The following OLFML1 variants were observed in gnomAD, a reference collection of about 807,000 sequenced individuals.
OLFML1 encodes olfactomedin-like protein 1.
Under a neutral mutation model 37.3 loss-of-function variants are expected in OLFML1, and 33 were observed. The ratio of observed to expected loss-of-function variants is 0.88; its 90% CI spans 0.67 to 1.18. OLFML1 has a LOEUF of 1.18. Among genes scored for constraint, OLFML1 ranks in the 50% most tolerant of loss-of-function variants. The pLI is 0.00. For missense variants in OLFML1, 545 were observed against 483.7 expected (o/e 1.13, Z -1.19); for synonymous variants, 186 against 181.3 (o/e 1.03, Z -0.21).
rs553731530 is a variant in OLFML1, at chr11:7,509,286, C to G, written c.419-112C>G. Reference sequence around the variant, plus strand: ...TCACAGTAGAACTGAAAATATTCCCCATCAGTATTAGACCTGAAAGGAAAC... The same window carrying G: ...TCACAGTAGAACTGAAAATATTCCCGATCAGTATTAGACCTGAAAGGAAAC... On this transcript the variant is annotated intron_variant, in intron 2 of 2. Coordinates refer to ENST00000329293, the MANE Select transcript of OLFML1 (RefSeq NM_198474.4). The G allele has an allele frequency of 7.8e-4, 583 of 750,694 alleles. 7 individuals carry two copies. The South Asian group carries it at 0.011, about 14-fold the overall frequency. 46.5% of individuals were successfully genotyped at this position (750,694 alleles called of 1,614,324 possible).
chr11:7,494,185 G>A (rs751246622), intron 2 of OLFML1, among the ~76,000 whole-genome samples: 2 of 152,218 alleles, frequency 1.3e-5, no homozygotes, highest in Non-Finnish European at 2.9e-5. Flanking sequence ...GGCATAATTG[G>A]GCTCAGTGTG....
At chr11:7,499,460 T>C (rs928748771) in intron 2 of OLFML1, among the ~76,000 whole-genome samples, 1 of 152,212 alleles carries the variant, frequency 6.6e-6, no homozygotes, top group Non-Finnish European at 1.5e-5. Context: ...AAATATATTA[T>C]CCTCAAACTC....
chr11:7,508,586 C>A (rs903321947), intron 2 of OLFML1, among the ~76,000 whole-genome samples: 3 of 152,140 alleles, frequency 2.0e-5, no homozygotes, highest in African/African-American at 2.4e-5. Flanking sequence ...AAGAAAGAAC[C>A]ATGCCCAATT....
At chr11:7,497,385 A>G (rs1414095761) in intron 2 of OLFML1, among the ~76,000 whole-genome samples, 1 of 152,208 alleles carries the variant, frequency 6.6e-6, no homozygotes, top group Non-Finnish European at 1.5e-5. Flanking sequence ...TAGCAGATAA[A>G]TGTATAATAT....
At chr11:7,507,115 G>A (rs1203110203) in intron 2 of OLFML1, among the ~76,000 whole-genome samples, 2 of 152,180 alleles carry the variant, frequency 1.3e-5, no homozygotes, top group Non-Finnish European at 2.9e-5. Flanking sequence ...GACAGCACGA[G>A]ACACAAAGCA....
chr11:7,495,620 C>A (rs1026482019), intron 2 of OLFML1, among the ~76,000 whole-genome samples: 1 of 152,062 alleles, frequency 6.6e-6, no homozygotes, highest in Non-Finnish European at 1.5e-5. Flanking sequence ...ATAAAATATA[C>A]CTCATGCATG....
At chr11:7,488,530 G>A (rs1269401964) in intron 2 of OLFML1, 115 bp downstream of exon 2, 2 of 789,346 alleles carry the variant, frequency 2.5e-6, no homozygotes, top group South Asian at 1.9e-5. Flanking sequence ...TTGGAGGTGT[G>A]CTTTTGTGTG....
intron 2 of OLFML1, among the ~76,000 whole-genome samples, chr11:7,495,148 C>T (rs915089232): frequency 2.6e-4 from 40 of 152,202 alleles, no homozygotes; most frequent in African/African-American, 9.6e-4. Context: ...GTACTCTTTC[C>T]ACCTGCACTG....
chr11:7,496,889 T>A (rs1848668538), intron 2 of OLFML1, among the ~76,000 whole-genome samples: 2 of 152,082 alleles, frequency 1.3e-5, no homozygotes, highest in Non-Finnish European at 2.9e-5. Context: ...ACCATCTCTA[T>A]AAAACATAAA....
chr11:7,495,430 T>C (rs1848650334), intron 2 of OLFML1, among the ~76,000 whole-genome samples: 2 of 152,214 alleles, frequency 1.3e-5, no homozygotes, highest in East Asian at 3.9e-4. Flanking sequence ...TACTCACGAA[T>C]TAAATAAAAA....
chr11:7,487,778 A>C (rs11041418), intron 1 of OLFML1, among the ~76,000 whole-genome samples: 32,606 of 152,216 alleles, frequency 0.21, 3,818 homozygotes, highest in Non-Finnish European at 0.25. Context: ...GATATCAATT[A>C]AATGGAATGC....
intron 2 of OLFML1, among the ~76,000 whole-genome samples, chr11:7,503,286 T>C (rs1444470870): frequency 6.6e-6 from 1 of 151,870 alleles, no homozygotes; most frequent in Non-Finnish European, 1.5e-5. Context: ...GATAAGAGTA[T>C]TTAAAAGAGG....
intron 2 of OLFML1, among the ~76,000 whole-genome samples, chr11:7,493,433 G>A (rs57618728): frequency 0.15 from 22,130 of 152,244 alleles, 1,735 homozygotes; most frequent in African/African-American, 0.18. Context: ...TATTAAAAGA[G>A]GTATAACTAA....
intron 2 of OLFML1, among the ~76,000 whole-genome samples, chr11:7,492,677 C>A (rs1188814913): frequency 6.6e-6 from 1 of 152,142 alleles, no homozygotes; most frequent in Non-Finnish European, 1.5e-5. Context: ...GGTTTCAACT[C>A]AGGGATGTTT....
intron 2 of OLFML1, among the ~76,000 whole-genome samples, chr11:7,500,000 C>T (rs1435211368): frequency 1.3e-5 from 2 of 152,186 alleles, no homozygotes; most frequent in Non-Finnish European, 2.9e-5. Context: ...AAGTGATCCT[C>T]CCAACCTCAG....
At chr11:7,488,564 C>G in intron 2 of OLFML1, 149 bp downstream of exon 2, 1 of 623,960 alleles carries the variant, frequency 1.6e-6, no homozygotes, top group South Asian at 2.1e-5. Context: ...GAAAGCTATA[C>G]AGAGAACAGG....
At position 7,488,261 on chromosome 11, in the gene OLFML1, G is replaced by A. The variant is rs772992576; in HGVS notation, c.264G>A (p.Leu88=). ...TSEYKSAVGN[L]ALRVERAQRE... is the part of the protein sequence containing the mutation. ...AGTACAAGAGTGCAGTGGGTAACTT[G>A]GCACTGAGAGTTGAACGTGCCCAAC... Residue 88 remains leucine, a synonymous_variant, in exon 2 of 3, where the codon TTG becomes TTA. Coordinates refer to ENST00000329293, the MANE Select transcript of OLFML1 (RefSeq NM_198474.4). 1.9e-6 allele frequency: 3 copies of A among 1,614,062 alleles called. No individual in the cohort carries two copies. Among genetic ancestry groups the A allele is most frequent in the Non-Finnish European group, 2.5e-6 (3 of 1,180,000 alleles).
Position 7,510,087 on chromosome 11 carries a change from A to G in OLFML1, c.1108A>G (p.Met370Val), listed in dbSNP as rs1358147807. The change falls in exon 3 of 3, where the codon ATG becomes GTG. Residue 370 changes from methionine (M) to valine (V), a missense_variant. Met to Val is a conservative substitution (Grantham distance 21). Transcript: ENST00000329293. ...CCCCAAGAGACCAAGAAGTCACTCC[A>G]TGATCCATTACAACCCCAGAGATAA... Reference protein sequence around the residue: ...FFPKRPRSHSMIHYNPRDKQL... With the variant: ...FFPKRPRSHSVIHYNPRDKQL... The G allele has an allele frequency of 5.0e-6, 8 of 1,614,124 alleles. No individual in the cohort carries two copies. In the African/African-American group the frequency reaches 1.1e-4, roughly 22 times the overall value.
intron 2 of OLFML1, chr11:7,504,677 G>C (rs1207537852): frequency 6.6e-6 from 1 of 152,188 alleles, no homozygotes; most frequent in East Asian, 1.9e-4. Context: ...AGGGAGATGA[G>C]AAAGTGTGAT....
Sources: allele counts gnomAD v4.1 joint callset (sites outside exome capture counted in the v4.1 genomes callset), GRCh38; gene constraint gnomAD v4.1.1; transcripts MANE v1.5; gene names NCBI Gene and HGNC (gene_info 2026-07-23, HGNC 2026-07-21).